Variants in ACSF3 observed in about 807,000 individuals in gnomAD.
ACSF3 encodes the protein malonate--CoA ligase ACSF3, mitochondrial.
A neutral mutation model predicts 53.2 loss-of-function variants in ACSF3; 78 were observed. The observed-to-expected ratio is 1.47, with a 90% CI of 1.22 to 1.77. The LOEUF is 1.77. Ranked by LOEUF, ACSF3 falls within the 40% of genes most tolerant of loss-of-function variation. The probability of loss-of-function intolerance (pLI) is 0.00; values close to 1 mark genes in which losing one functional copy is unlikely to be tolerated. For synonymous variants in ACSF3, 414 were observed against 333.1 expected, an observed-to-expected ratio of 1.24 and a Z score of -2.65; for missense variants, 937 against 771.1, an observed-to-expected ratio of 1.22 and a Z score of -2.55.
intron 3 of ACSF3, among the ~76,000 whole-genome samples, chr16:89,101,972 C>G (rs749071737): frequency 1.3e-5 from 2 of 152,214 alleles, no homozygotes; most frequent in Admixed American, 6.5e-5. Context: ...GCGCGCCTGT[C>G]GGGAGGGACG....
At position 89,101,137 on chromosome 16, in the gene ACSF3, C is replaced by G. The variant is rs147899198; in HGVS notation, c.456C>G (p.Tyr152Ter). ...QSSVVLASQE[Y>*]LELLSPVVRK... ...CTGTGGTCCTTGCCAGCCAGGAGTA[C>G]CTGGAGCTCCTGAGCCCGGTGGTCA... is the stretch of plus-strand genomic sequence containing the variant. Residue 152 changes from tyrosine to a stop codon, truncating the protein, a stop_gained, in exon 3 of 11, where the codon TAC becomes TAG. Coordinates refer to ENST00000614302, the MANE Select transcript of ACSF3 (RefSeq NM_001243279.3). LOFTEE classifies it high-confidence loss of function. 1.2e-6 allele frequency: 2 copies of G among 1,613,904 alleles called. No individual in the cohort carries two copies. The highest frequency in any genetic ancestry group is 1.7e-5 in the Admixed American group (1 of 60,014).
At chr16:89,111,530 C>T (rs1976676717) in intron 4 of ACSF3, among the ~76,000 whole-genome samples, 1 of 152,232 alleles carries the variant, frequency 6.6e-6, no homozygotes, top group Non-Finnish European at 1.5e-5. Context: ...GTAGAGAGGG[C>T]CATGGAAGGA....
At chr16:89,134,912 A>G (rs944061425) in intron 8 of ACSF3, among the ~76,000 whole-genome samples, 4 of 152,278 alleles carry the variant, frequency 2.6e-5, no homozygotes, top group Non-Finnish European at 5.9e-5. Flanking sequence ...ACGTATGTCC[A>G]TGGATATTTG....
rs548713554 is a variant in ACSF3, at chr16:89,124,671, G to A, written c.1239+3758G>A. The stretch of plus-strand genomic sequence containing the variant: ...TATGTGATAACTGTGCACGCACTGC[G>A]TGTGTCACATATGCACACACTGCAT... On this transcript the variant is annotated intron_variant, in intron 7 of 10. Coordinates refer to ENST00000614302, the MANE Select transcript of ACSF3 (RefSeq NM_001243279.3). Among the ~76,000 whole-genome samples, 205 of 151,274 alleles carry A rather than the reference G, an allele frequency of 1.4e-3. 3 individuals are homozygous for A. Among genetic ancestry groups the A allele is most frequent in the African/African-American group, 3.8e-3 (157 of 40,912 alleles).
intron 4 of ACSF3, among the ~76,000 whole-genome samples, chr16:89,109,247 A>G (rs1005305892): frequency 2.2e-3 from 214 of 99,470 alleles, no homozygotes; most frequent in African/African-American, 9.1e-3. Context: ...AAAAAAAAAA[A>G]AAAGAAAAGA....
intron 6 of ACSF3, among the ~76,000 whole-genome samples, chr16:89,118,974 C>T (rs1382156720): frequency 6.6e-6 from 1 of 152,170 alleles, no homozygotes; most frequent in Non-Finnish European, 1.5e-5. Flanking sequence ...CGGGGCACAG[C>T]GAGCGGCACC....
chr16:89,133,466 C>T (rs934700188), intron 8 of ACSF3, among the ~76,000 whole-genome samples: 26 of 152,182 alleles, frequency 1.7e-4, no homozygotes, highest in Non-Finnish European at 3.5e-4. Flanking sequence ...AGAGTGGGCT[C>T]CTTGGCCCTG....
chr16:89,099,576 T>C (rs12933826), intron 2 of ACSF3, among the ~76,000 whole-genome samples: 8,364 of 151,922 alleles, frequency 0.055, 326 homozygotes, highest in South Asian at 0.15. Context: ...AGGTCAGGAG[T>C]TGGAGACCAG....
At chr16:89,145,146 GCCC>G in intron 8 of ACSF3, 118 bp from the exon 9 acceptor site, 1 of 1,609,788 alleles carries the variant, frequency 6.2e-7, no homozygotes, top group Non-Finnish European at 8.5e-7. Flanking sequence ...AGTAACCAGA[GCCC>G]CCTTTCCTCA....
chr16:89,113,832 G>A, intron 5 of ACSF3: 1 of 269,098 alleles, frequency 3.7e-6, no homozygotes, highest in Non-Finnish European at 7.4e-6. Context: ...CCTTGGGTGT[G>A]CCCGGCCCCA....
At chr16:89,117,695 A>T (rs1409772977) in intron 6 of ACSF3, among the ~76,000 whole-genome samples, 1 of 151,968 alleles carries the variant, frequency 6.6e-6, no homozygotes, top group Non-Finnish European at 1.5e-5. Context: ...GCCAAGGAGC[A>T]GATAGTAGCC....
rs538536902 is a variant in ACSF3 at position 89,097,193 on chromosome 16, G to A, written c.-193-1398G>A. On this transcript the variant is annotated intron_variant, in intron 1 of 10. Transcript: ENST00000614302. ...AGCGTGTGCTCAGCGTGTGGTTACC[G>A]TGTGCACAGCACGAGCTTGAACTCG... Among the ~76,000 whole-genome samples the A allele has an allele frequency of 1.8e-4, 28 of 152,322 alleles. No homozygotes were observed. In the South Asian group the frequency reaches 2.9e-3, roughly 16 times the overall value.
rs570418414 is a variant in ACSF3 at position 89,106,492 on chromosome 16, C to G, written c.822+3733C>G. ...TATTTTTAGTAGAGACGGGGTTTCA[C>G]TATGTTGGCCAGGCTGGTCTAGAAC... On this transcript the variant is annotated intron_variant, in intron 4 of 10. Coordinates refer to ENST00000614302, the MANE Select transcript of ACSF3 (RefSeq NM_001243279.3). Among the ~76,000 whole-genome samples, 8 of 152,250 alleles carry G rather than the reference C, an allele frequency of 5.3e-5. 1 individual carries two copies. The South Asian group carries it at 1.2e-3, about 24-fold the overall frequency.
At chr16:89,115,480 T>C (rs1904959406) in intron 6 of ACSF3, among the ~76,000 whole-genome samples, 1 of 152,232 alleles carries the variant, frequency 6.6e-6, no homozygotes. Context: ...GCCTGTGCTG[T>C]GTGCGTCAGA....
chr16:89,123,959 C>T (rs1435713995), intron 7 of ACSF3, among the ~76,000 whole-genome samples: 2 of 151,968 alleles, frequency 1.3e-5, no homozygotes, highest in Non-Finnish European at 2.9e-5. Flanking sequence ...AGTGTGCACA[C>T]GGATAGCACA....
rs1567760048 is a variant in ACSF3, at chr16:89,155,254, GC to G, written c.*1049del. The G allele has an allele frequency of 2.2e-6, 1 of 453,992 alleles. No individual in the cohort carries two copies. The highest frequency in any genetic ancestry group is 4.4e-6 in the Non-Finnish European group (1 of 226,798). The allele number at this position is 453,992 out of a possible 1,614,324, so 28.1% of individuals were successfully genotyped here. On this transcript the variant is annotated 3_prime_UTR_variant, in exon 11 of 11. Coordinates refer to ENST00000614302, the MANE Select transcript of ACSF3 (RefSeq NM_001243279.3). ...AACAGTCATCGCCCAGCAGTGTCTG[GC>G]CTGAACTTACCCAGAACATTCTGCC...
chr16:89,098,596 C>T lies in ACSF3; in HGVS notation c.-188C>T, dbSNP rs1037607037. On this transcript the variant is annotated 5_prime_UTR_variant, in exon 2 of 11. Coordinates refer to ENST00000614302, the MANE Select transcript of ACSF3 (RefSeq NM_001243279.3). ...GCACAGATGCCCGTTGACAGGTGTC[C>T]CACCGGCCTTCCGGGTTCCAGCGCC... 9 of 451,954 alleles carry T rather than the reference C, an allele frequency of 2.0e-5. No homozygotes were observed. The highest frequency in any genetic ancestry group is 1.8e-4 in the African/African-American group (9 of 49,982). 28.0% of individuals were successfully genotyped at this position (451,954 alleles called of 1,614,324 possible). A position where few individuals can be genotyped will look rare whatever the true frequency, so the allele number is the denominator to read the frequency against.
At chr16:89,112,459 C>T (rs529451174) in intron 5 of ACSF3, among the ~76,000 whole-genome samples, 3 of 152,094 alleles carry the variant, frequency 2.0e-5, no homozygotes, top group South Asian at 2.1e-4. Flanking sequence ...ATCTCTTCCA[C>T]GTCGATAGCT....
chr16:89,145,358 C>T lies in ACSF3; in HGVS notation c.1458C>T (p.Ala486=). 1 of 1,614,202 alleles carries T rather than the reference C, an allele frequency of 6.2e-7. No homozygotes were observed. Residue 486 remains alanine, a synonymous_variant, in exon 9 of 11, where the codon GCC becomes GCT. Transcript: ENST00000614302. Reference sequence around the variant, plus strand: ...AGACTGGAGGCTACAAGGTCAGCGCCCTGGAGGTGGAGTGGCACCTGCTGG... The same window carrying T: ...AGACTGGAGGCTACAAGGTCAGCGCTCTGGAGGTGGAGTGGCACCTGCTGG... ...IIKTGGYKVS[A]LEVEWHLLAH...
Sources: gnomAD v4.1 joint callset for allele counts (sites outside exome capture counted in the v4.1 genomes callset) on GRCh38, gnomAD v4.1.1 for gene constraint, MANE v1.5 for transcripts, NCBI Gene and HGNC (gene_info 2026-07-23, HGNC 2026-07-21) for gene names.